Variants in KCNIP4 observed in about 807,000 individuals in gnomAD.
KCNIP4 encodes the protein Kv channel-interacting protein 4.
A neutral mutation model predicts 34.0 loss-of-function variants in KCNIP4; 12 were observed. The observed-to-expected ratio is 0.35, with a 90% CI of 0.23 to 0.57. The LOEUF is 0.57. Ranked by LOEUF, KCNIP4 falls within the 20% of genes least tolerant of loss-of-function variation. The pLI, the probability that KCNIP4 is intolerant of heterozygous loss-of-function variation, is 0.83. For synonymous variants in KCNIP4, 124 were observed against 102.2 expected (o/e 1.21, Z -1.29); for missense variants, 238 against 311.7 (o/e 0.76, Z 1.78).
intron 1 of KCNIP4, among the ~76,000 whole-genome samples, chr4:21,059,637 T>G (rs1743740758): frequency 6.6e-6 from 1 of 152,100 alleles, no homozygotes; most frequent in Non-Finnish European, 1.5e-5. Context: ...GGAAAGTGTA[T>G]TTATGGGATA....
At chr4:21,340,741 G>T (rs1403538407) in intron 1 of KCNIP4, among the ~76,000 whole-genome samples, 1 of 152,052 alleles carries the variant, frequency 6.6e-6, no homozygotes, top group Non-Finnish European at 1.5e-5. Context: ...AAACAAGGCT[G>T]CAGTTTAGTG....
intron 1 of KCNIP4, among the ~76,000 whole-genome samples, chr4:21,646,612 CA>C (rs1560589893): frequency 6.6e-6 from 1 of 151,970 alleles, no homozygotes; most frequent in Non-Finnish European, 1.5e-5. Context: ...TTTACATTTT[CA>C]ATTTAACAGC....
At chr4:21,320,621 C>A (rs1273477764) in intron 1 of KCNIP4, among the ~76,000 whole-genome samples, 2 of 151,930 alleles carry the variant, frequency 1.3e-5, no homozygotes, top group Non-Finnish European at 2.9e-5. Flanking sequence ...TTGCAATTAC[C>A]CTGTGAGCTT....
intron 1 of KCNIP4, among the ~76,000 whole-genome samples, chr4:21,628,552 T>C (rs1161378143): frequency 6.6e-6 from 1 of 152,220 alleles, no homozygotes; most frequent in Non-Finnish European, 1.5e-5. Context: ...CTGCAGATCC[T>C]TGGCTTAAAT....
intron 1 of KCNIP4, among the ~76,000 whole-genome samples, chr4:20,947,608 T>C (rs1025090703): frequency 1.3e-5 from 2 of 152,200 alleles, no homozygotes; most frequent in East Asian, 3.9e-4. Context: ...ATGCAAATGA[T>C]TATTGCCGCT....
intron 1 of KCNIP4, among the ~76,000 whole-genome samples, chr4:21,803,457 G>A (rs565521582): frequency 6.6e-6 from 1 of 152,224 alleles, no homozygotes; most frequent in Non-Finnish European, 1.5e-5. Context: ...GCACTGTGAT[G>A]TGATAACACC....
chr4:21,433,940 C>T (rs1726727028), intron 1 of KCNIP4, among the ~76,000 whole-genome samples: 1 of 152,174 alleles, frequency 6.6e-6, no homozygotes, highest in Non-Finnish European at 1.5e-5. Context: ...AGGTCAGGCA[C>T]ATTTAAATAT....
intron 3 of KCNIP4, among the ~76,000 whole-genome samples, chr4:20,799,827 A>G (rs891156418): frequency 5.3e-5 from 8 of 152,196 alleles, no homozygotes; most frequent in African/African-American, 1.4e-4. Context: ...GTGAGGATTT[A>G]GTCTCTGGAA....
At chr4:20,790,751 G>C (rs781384044) in intron 3 of KCNIP4, among the ~76,000 whole-genome samples, 1 of 152,056 alleles carries the variant, frequency 6.6e-6, no homozygotes, top group Admixed American at 6.6e-5. Context: ...GATTTAGCTG[G>C]CTGGAAAAAG....
At chr4:21,810,159 G>A (rs1159064179) in intron 1 of KCNIP4, among the ~76,000 whole-genome samples, 1 of 152,138 alleles carries the variant, frequency 6.6e-6, no homozygotes, top group Admixed American at 6.5e-5. Context: ...AGCCTGTTAG[G>A]AAAGGAGGAT....
At chr4:21,103,330 A>G (rs1446754778) in intron 1 of KCNIP4, among the ~76,000 whole-genome samples, 1 of 146,414 alleles carries the variant, frequency 6.8e-6, no homozygotes, top group Non-Finnish European at 1.5e-5. Context: ...TATAAAATAT[A>G]TATAATATAT....
intron 1 of KCNIP4, among the ~76,000 whole-genome samples, chr4:21,334,542 T>G (rs1300087747): frequency 6.6e-6 from 1 of 152,040 alleles, no homozygotes; most frequent in Admixed American, 6.6e-5. Flanking sequence ...ATCATAAAAT[T>G]TACCCACTTA....
intron 1 of KCNIP4, among the ~76,000 whole-genome samples, chr4:20,946,726 G>C (rs1732229197): frequency 6.6e-6 from 1 of 152,098 alleles, no homozygotes; most frequent in Non-Finnish European, 1.5e-5. Flanking sequence ...GTGAGCAATG[G>C]ACTAACCTTC....
intron 1 of KCNIP4, among the ~76,000 whole-genome samples, chr4:21,437,198 T>C (rs1197599920): frequency 6.6e-6 from 1 of 152,224 alleles, no homozygotes; most frequent in Non-Finnish European, 1.5e-5. Context: ...GGTAATTGAC[T>C]GTTTCACTAT....
intron 1 of KCNIP4, among the ~76,000 whole-genome samples, chr4:21,273,433 T>C (rs1175875483): frequency 6.6e-6 from 1 of 152,188 alleles, no homozygotes; most frequent in Non-Finnish European, 1.5e-5. Context: ...GAAAGCCATT[T>C]ACATTCAAGT....
At chr4:21,081,208 G>A (rs1021631930) in intron 1 of KCNIP4, among the ~76,000 whole-genome samples, 3 of 151,834 alleles carry the variant, frequency 2.0e-5, no homozygotes, top group Non-Finnish European at 4.4e-5. Flanking sequence ...TAAGAATGCA[G>A]TTGTTGCTGT....
intron 1 of KCNIP4, chr4:21,762,799 C>T (rs1718149518): frequency 5.0e-6 from 3 of 600,440 alleles, no homozygotes; most frequent in Admixed American, 3.7e-5. Context: ...AGTCATGACT[C>T]TTCTTTATCT....
chr4:21,927,596 G>C (rs1729326504), intron 1 of KCNIP4, among the ~76,000 whole-genome samples: 4 of 152,094 alleles, frequency 2.6e-5, no homozygotes, highest in African/African-American at 9.7e-5. Context: ...TTAGAGCTGG[G>C]GCATCCCAAC....
intron 1 of KCNIP4, among the ~76,000 whole-genome samples, chr4:21,291,919 GAA>G: frequency 1.6e-5 from 1 of 61,798 alleles, no homozygotes; most frequent in African/African-American, 1.1e-4. Context: ...AAGAAAGAAA[GAA>G]AGAAAGAAAG....
Sources: allele counts gnomAD v4.1 joint callset (sites outside exome capture counted in the v4.1 genomes callset), GRCh38; gene constraint gnomAD v4.1.1; transcripts MANE v1.5; gene names NCBI Gene and HGNC (gene_info 2026-07-23, HGNC 2026-07-21).